The following HORMAD2 variants were observed in gnomAD, a reference collection of about 807,000 sequenced individuals.
HORMAD2 encodes HORMA domain containing 2.
HORMAD2 carries 45 observed loss-of-function variants against 38.8 expected under a neutral mutation model. The ratio of observed to expected loss-of-function variants is 1.16; its 90% CI spans 0.91 to 1.49. The LOEUF is 1.49. Ranked by LOEUF, HORMAD2 falls within the 40% of genes most tolerant of loss-of-function variation. The pLI is 0.00. For synonymous variants in HORMAD2, 126 were observed against 122.8 expected (o/e 1.03, Z -0.17); for missense variants, 338 against 367.0 (o/e 0.92, Z 0.65).
At chr22:30,179,544 T>C (rs1204701160), downstream of HORMAD2, among the ~76,000 whole-genome samples, 2 of 152,186 alleles carry the variant, frequency 1.3e-5, no homozygotes, top group Non-Finnish European at 2.9e-5. Context: ...CAAATTCCTA[T>C]TTAGAAATGG....
intron 1 of HORMAD2, among the ~76,000 whole-genome samples, chr22:30,085,294 A>G (rs891442488): frequency 2.6e-5 from 4 of 152,290 alleles, no homozygotes; most frequent in South Asian, 4.1e-4. Context: ...AATAGGAGTG[A>G]CTGCTAATAG....
chr22:30,202,886 G>A, the HORMAD2 span, among the ~76,000 whole-genome samples: 104 of 152,262 alleles, frequency 6.8e-4, 2 homozygotes, highest in South Asian at 0.02. Context: ...AAACAAAGCC[G>A]ATGCCAAGGA....
chr22:30,193,671 T>A, the HORMAD2 span, among the ~76,000 whole-genome samples: 1 of 152,204 alleles, frequency 6.6e-6, no homozygotes, highest in Non-Finnish European at 1.5e-5. Flanking sequence ...TTTTTGGAAC[T>A]GAAAGACCAA....
chr22:30,204,804 A>G, the HORMAD2 span, among the ~76,000 whole-genome samples: 2 of 152,232 alleles, frequency 1.3e-5, no homozygotes, highest in South Asian at 4.1e-4. Flanking sequence ...CCAAAGAAAC[A>G]GAACCTGAAA....
At chr22:30,154,100 C>G (rs1298447636) in intron 10 of HORMAD2, among the ~76,000 whole-genome samples, 1 of 152,182 alleles carries the variant, frequency 6.6e-6, no homozygotes, top group African/African-American at 2.4e-5. Flanking sequence ...TTCAATTTCC[C>G]CTTACTTCCT....
chr22:30,206,622 C>T, the HORMAD2 span, among the ~76,000 whole-genome samples: 6 of 151,806 alleles, frequency 4.0e-5, no homozygotes, highest in African/African-American at 1.2e-4. Flanking sequence ...ACTGGAACTA[C>T]AAATGCATGC....
At chr22:30,131,084 A>G (rs1248608243) in intron 10 of HORMAD2, among the ~76,000 whole-genome samples, 1 of 152,226 alleles carries the variant, frequency 6.6e-6, no homozygotes, top group Admixed American at 6.5e-5. Flanking sequence ...AGGTTTCTTC[A>G]AAGAACTGAC....
intron 7 of HORMAD2, among the ~76,000 whole-genome samples, chr22:30,114,524 C>T (rs1921898865): frequency 6.6e-6 from 1 of 152,204 alleles, no homozygotes; most frequent in Non-Finnish European, 1.5e-5. Context: ...TCAAAAACAA[C>T]ATTCTAACAT....
chr22:30,157,922 C>T (rs1925184437), intron 10 of HORMAD2, among the ~76,000 whole-genome samples: 1 of 152,064 alleles, frequency 6.6e-6, no homozygotes, highest in South Asian at 2.1e-4. Flanking sequence ...CTAAATACAA[C>T]CAATTTGTGT....
chr22:30,174,032 C>T (rs1056740747), intron 10 of HORMAD2, among the ~76,000 whole-genome samples: 5 of 152,132 alleles, frequency 3.3e-5, no homozygotes, highest in Non-Finnish European at 5.9e-5. Flanking sequence ...ACATCATATA[C>T]AGAAAGCATA....
chr22:30,123,662 TTTA>T (rs1922619935), intron 10 of HORMAD2, among the ~76,000 whole-genome samples: 1 of 151,124 alleles, frequency 6.6e-6, no homozygotes, highest in South Asian at 2.1e-4. Context: ...TATTTATTTA[TTTA>T]TTTATTTATT....
At position 30,121,799 on chromosome 22, in the gene HORMAD2, G is replaced by C. The variant is rs1373134039; in HGVS notation, c.568+10G>C. 1 of 1,599,860 alleles carries C rather than the reference G, an allele frequency of 6.3e-7. No individual in the cohort carries two copies. ...CACTACTATAATGCAGGTAGGTAGA[G>C]AACTTTAGGCAAATTCCTCCTTAAG... On this transcript the variant is annotated intron_variant, in intron 9 of 10. Transcript: ENST00000336726.
intron 10 of HORMAD2, among the ~76,000 whole-genome samples, chr22:30,171,401 A>C (rs185263174): frequency 8.5e-5 from 13 of 152,308 alleles, no homozygotes; most frequent in African/African-American, 3.1e-4. Flanking sequence ...GCAGTTAGCC[A>C]AACTAGAAAC....
intron 10 of HORMAD2, 115 bp from the exon 11 acceptor site, chr22:30,175,948 T>G: frequency 1.5e-6 from 1 of 663,912 alleles, no homozygotes; most frequent in South Asian, 1.9e-5. Flanking sequence ...GGAAAGCAGG[T>G]TTGGATCCGT....
chr22:30,104,953 C>A (rs539974641), intron 5 of HORMAD2: 1 of 153,558 alleles, frequency 6.5e-6, no homozygotes, highest in Admixed American at 6.5e-5. Context: ...TCATGCTGCC[C>A]AAGACAGCTA....
chr22:30,121,726 C>T lies in HORMAD2; in HGVS notation c.505C>T (p.Gln169Ter), dbSNP rs201036818. 347 of 1,611,814 alleles carry T rather than the reference C, an allele frequency of 2.2e-4. 4 individuals are homozygous for T. The South Asian group carries it at 2.9e-3, about 14-fold the overall frequency. Residue 169 changes from glutamine (Q) to a stop codon, truncating the protein, a stop_gained, in exon 9 of 11, where the codon CAG (glutamine) becomes TAG (stop). Coordinates refer to ENST00000336726, the MANE Select transcript of HORMAD2 (RefSeq NM_152510.4). LOFTEE classifies it high-confidence loss of function. ...GATCCGTAAATTGTATATACTGATG[C>T]AGGACCTTGAGCCACTTCCTAATAA... ...LLIRKLYILM[Q>*]DLEPLPNNVV...
intron 10 of HORMAD2, among the ~76,000 whole-genome samples, chr22:30,153,082 A>C (rs5763821): frequency 0.52 from 71,326 of 137,978 alleles, 17,777 homozygotes; most frequent in African/African-American, 0.67. Context: ...GTTTCCCCCC[A>C]TCTCAGCACC....
intron 10 of HORMAD2, among the ~76,000 whole-genome samples, chr22:30,141,238 T>A (rs920431384): frequency 6.6e-6 from 1 of 152,210 alleles, no homozygotes; most frequent in Non-Finnish European, 1.5e-5. Context: ...CTTCAAGTGA[T>A]CCACCCACCT....
intron 10 of HORMAD2, chr22:30,137,029 A>AT (rs1923713044): frequency 4.9e-6 from 2 of 410,648 alleles, no homozygotes; most frequent in East Asian, 4.7e-5. Flanking sequence ...TAATTGTTGC[A>AT]TTTTTTAGTA....
Sources: gnomAD v4.1 joint callset for allele counts (sites outside exome capture counted in the v4.1 genomes callset) on GRCh38, gnomAD v4.1.1 for gene constraint, MANE v1.5 for transcripts, NCBI Gene and HGNC (gene_info 2026-07-23, HGNC 2026-07-21) for gene names.